Variants in ZNF382 observed in about 807,000 individuals in gnomAD.
The protein encoded by ZNF382 is zinc finger protein 382.
ZNF382 carries 20 observed loss-of-function variants against 38.8 expected under a neutral mutation model. That is an observed-to-expected ratio of 0.51 (90% CI 0.36 to 0.75). The LOEUF is 0.75. Ranked by LOEUF, ZNF382 falls within the 30% of genes least tolerant of loss-of-function variation. ZNF382 has a pLI of 0.00. For missense variants in ZNF382, 546 were observed against 654.1 expected (o/e 0.83, Z 1.80); for synonymous variants, 202 against 223.1 (o/e 0.91, Z 0.84).
intron 4 of ZNF382, among the ~76,000 whole-genome samples, chr19:36,614,226 G>C (rs2037102850): frequency 6.6e-6 from 1 of 152,138 alleles, no homozygotes; most frequent in African/African-American, 2.4e-5. Flanking sequence ...TGTAGTCCCA[G>C]CTACTCGGGA....
chr19:36,618,165 A>T (rs2037140374), intron 4 of ZNF382, among the ~76,000 whole-genome samples: 1 of 152,170 alleles, frequency 6.6e-6, no homozygotes, highest in Non-Finnish European at 1.5e-5. Context: ...GGACTGCCCC[A>T]TATTGGTCTT....
At chr19:36,621,104 G>A (rs2037165674) in intron 4 of ZNF382, among the ~76,000 whole-genome samples, 1 of 151,948 alleles carries the variant, frequency 6.6e-6, no homozygotes, top group South Asian at 2.1e-4. Flanking sequence ...GTATTCTCTT[G>A]TTCCCATAAT....
chr19:36,616,071 T>C (rs2145322080), intron 4 of ZNF382, among the ~76,000 whole-genome samples: 1 of 152,274 alleles, frequency 6.6e-6, no homozygotes, highest in South Asian at 2.1e-4. Context: ...TTGAATAAAC[T>C]CTTTAAGGGA....
chr19:36,616,308 G>C (rs1024757116), intron 4 of ZNF382, among the ~76,000 whole-genome samples: 3 of 152,130 alleles, frequency 2.0e-5, no homozygotes, highest in Non-Finnish European at 2.9e-5. Context: ...GAAGTTCAAG[G>C]CTGCAGTGAG....
chr19:36,618,368 A>C (rs955979525), intron 4 of ZNF382, among the ~76,000 whole-genome samples: 1 of 152,188 alleles, frequency 6.6e-6, no homozygotes, highest in African/African-American at 2.4e-5. Context: ...GGCTCCTTGC[A>C]ATCTTGCCCT....
At position 36,620,151 on chromosome 19, in the gene ZNF382, C is replaced by A. The variant is rs148631195; in HGVS notation, c.233-5979C>A. On this transcript the variant is annotated intron_variant, in intron 4 of 4. Coordinates refer to ENST00000292928, the MANE Select transcript of ZNF382 (RefSeq NM_032825.5). ...AGAAAGATTATTTCTTTGTTTCCTG[C>A]CTGAGTCTCACATCCCATTCTCACC... Among the ~76,000 whole-genome samples the A allele has an allele frequency of 2.6e-3, 398 of 152,250 alleles. 2 individuals carry two copies. Among genetic ancestry groups the A allele is most frequent in the Non-Finnish European group, 4.0e-3 (274 of 68,016 alleles).
At chr19:36,622,267 C>T (rs954498721) in intron 4 of ZNF382, among the ~76,000 whole-genome samples, 1 of 152,058 alleles carries the variant, frequency 6.6e-6, no homozygotes, top group African/African-American at 2.4e-5. Flanking sequence ...GTGATCCACC[C>T]ACCTCGGCCT....
At position 36,630,106 on chromosome 19, in the gene ZNF382, G is replaced by C. The variant is rs2037243791; in HGVS notation, c.*2556G>C. 1 of 152,016 alleles carries C rather than the reference G, an allele frequency of 6.6e-6. No homozygotes were observed. The highest frequency in any genetic ancestry group is 1.5e-5 in the Non-Finnish European group (1 of 68,030). 9.4% of individuals were successfully genotyped at this position (152,016 alleles called of 1,614,324 possible). On this transcript the variant is annotated 3_prime_UTR_variant, in exon 5 of 5. Coordinates refer to ENST00000292928, the MANE Select transcript of ZNF382 (RefSeq NM_032825.5). Reference sequence around the variant, plus strand: ...TTAATAATTACAACTCAATTGAGGGGTCCATATATATTCTTTCTCATTTTC... The same window carrying C: ...TTAATAATTACAACTCAATTGAGGGCTCCATATATATTCTTTCTCATTTTC...
intron 4 of ZNF382, among the ~76,000 whole-genome samples, chr19:36,617,771 G>A (rs2145324233): frequency 6.6e-6 from 1 of 152,246 alleles, no homozygotes; most frequent in South Asian, 2.1e-4. Context: ...CTGAAAGCAG[G>A]TCATGGTGAT....
chr19:36,623,100 CT>C (rs2037182264), intron 4 of ZNF382, among the ~76,000 whole-genome samples: 1 of 152,106 alleles, frequency 6.6e-6, no homozygotes, highest in Non-Finnish European at 1.5e-5. Flanking sequence ...TCTCATTTGC[CT>C]TTCCTTACTG....
intron 4 of ZNF382, among the ~76,000 whole-genome samples, chr19:36,624,151 G>T (rs751238518): frequency 1.3e-4 from 20 of 152,138 alleles, no homozygotes; most frequent in Admixed American, 9.2e-4. Flanking sequence ...CATATACTTG[G>T]AGGTGTTTGA....
chr19:36,616,326 C>G (rs2037125817), intron 4 of ZNF382, among the ~76,000 whole-genome samples: 1 of 152,162 alleles, frequency 6.6e-6, no homozygotes, highest in Non-Finnish European at 1.5e-5. Flanking sequence ...GAGCTATGCA[C>G]TACTGCACTC....
intron 4 of ZNF382, among the ~76,000 whole-genome samples, chr19:36,623,963 C>T (rs1482072696): frequency 2.6e-5 from 4 of 151,860 alleles, no homozygotes; most frequent in African/African-American, 9.7e-5. Flanking sequence ...GTGGCGGGCA[C>T]CTGTAATCCC....
In ZNF382 at chr19:36,606,466, C is replaced by T. The variant is rs1600384891; in HGVS notation, c.-84-1086C>T. The stretch of plus-strand genomic sequence containing the variant: ...TACCTCTGAAGTTCAAGTGATTCTC[C>T]TGCCCCAGCTTCCTGAGTAGCTGGG... On this transcript the variant is annotated intron_variant, in intron 1 of 4. Coordinates refer to ENST00000292928, the MANE Select transcript of ZNF382 (RefSeq NM_032825.5). Among the ~76,000 whole-genome samples the T allele has an allele frequency of 2.6e-5, 4 of 152,116 alleles. 1 individual carries two copies. The South Asian group carries it at 8.3e-4, about 32-fold the overall frequency.
Position 36,627,254 on chromosome 19 carries a change from C to A in ZNF382, c.1357C>A (p.Leu453Ile). The change falls in exon 5 of 5, where the codon CTC becomes ATC. Residue 453 changes from leucine to isoleucine, a missense_variant. By Grantham distance (5) the Leu-to-Ile change is conservative. Coordinates refer to ENST00000292928, the MANE Select transcript of ZNF382 (RefSeq NM_032825.5). The part of the protein sequence containing the change: ...KSFCQKTTLT[L>I]HQRIHTGEKP... ...CTTCTGCCAAAAGACAACCCTCACT[C>A]TCCACCAGAGAATTCACACGGGGGA... 1 of 1,613,586 alleles carries A rather than the reference C, an allele frequency of 6.2e-7. No homozygotes were observed. Among genetic ancestry groups the A allele is most frequent in the East Asian group, 2.2e-5 (1 of 44,840 alleles).
intron 2 of ZNF382, chr19:36,608,107 G>A (rs967503072): frequency 1.9e-5 from 3 of 153,866 alleles, no homozygotes; most frequent in African/African-American, 7.2e-5. Flanking sequence ...GAGCAGACGT[G>A]GAAAAACCTT....
chr19:36,610,795 T>G, intron 4 of ZNF382, 53 bp downstream of exon 4: 1 of 1,350,566 alleles, frequency 7.4e-7, no homozygotes, highest in South Asian at 1.2e-5. Context: ...AGTTGAAGCC[T>G]TTGAATGTTT....
chr19:36,613,966 AC>A (rs1600389468), intron 4 of ZNF382, among the ~76,000 whole-genome samples: 1 of 152,196 alleles, frequency 6.6e-6, no homozygotes, highest in East Asian at 1.9e-4. Context: ...CATTGACAAT[AC>A]CACCTGGTCT....
chr19:36,614,196 C>T (rs2037102457), intron 4 of ZNF382, among the ~76,000 whole-genome samples: 3 of 151,932 alleles, frequency 2.0e-5, no homozygotes, highest in East Asian at 1.9e-4. Context: ...AAAAATTAGC[C>T]GGATATGGTG....
Sources: gnomAD v4.1 joint callset for allele counts (sites outside exome capture counted in the v4.1 genomes callset) on GRCh38, gnomAD v4.1.1 for gene constraint, MANE v1.5 for transcripts, NCBI Gene and HGNC (gene_info 2026-07-23, HGNC 2026-07-21) for gene names.